The following FREM2 variants were observed in gnomAD, a reference collection of about 807,000 sequenced individuals.
The protein encoded by FREM2 is FRAS1 related extracellular matrix 2.
A neutral mutation model predicts 219.9 loss-of-function variants in FREM2; 119 were observed. That is an observed-to-expected ratio of 0.54 (90% CI 0.47 to 0.63). The LOEUF (loss-of-function observed/expected upper bound fraction) is 0.63, where lower values mean the gene tolerates loss of function less well. Ranked by LOEUF, FREM2 falls within the 30% of genes least tolerant of loss-of-function variation. The pLI, the probability that FREM2 is intolerant of heterozygous loss-of-function variation, is 0.00. For missense variants in FREM2, 4,030 were observed against 3,993.6 expected (o/e 1.01, Z -0.25); for synonymous variants, 1,562 against 1,522.8 (o/e 1.03, Z -0.60).
intron 6 of FREM2, among the ~76,000 whole-genome samples, chr13:38,838,650 TGTTC>T (rs1352319805): frequency 1.3e-5 from 2 of 152,244 alleles, no homozygotes; most frequent in African/African-American, 4.8e-5. Context: ...TTGGAGGCTT[TGTTC>T]GTTCCTTTTC....
At position 38,859,492 on chromosome 13, in the gene FREM2, C is replaced by A. The variant is rs764847493; in HGVS notation, c.7421C>A (p.Pro2474His). The A allele has an allele frequency of 5.6e-6, 9 of 1,614,004 alleles. No homozygotes were observed. The highest frequency in any genetic ancestry group is 1.7e-5 in the Admixed American group (1 of 59,990). Residue 2474 changes from proline (P) to histidine (H), a missense_variant, in exon 14 of 24, where the codon CCT becomes CAT. Physicochemically the swap from Pro to His is moderately conservative, Grantham distance 77. Coordinates refer to ENST00000280481, the MANE Select transcript of FREM2 (RefSeq NM_207361.6). ...ACACTGGACTCCATATACTTTCAGC[C>A]TGGCTCCCGGGTACAGTGCGCAGCT... Reference protein sequence around the residue: ...MVTLDSIYFQPGSRVQCAARA... With the variant: ...MVTLDSIYFQHGSRVQCAARA...
At chr13:38,802,199 C>T (rs1028253371) in intron 6 of FREM2, among the ~76,000 whole-genome samples, 2 of 152,184 alleles carry the variant, frequency 1.3e-5, no homozygotes, top group Non-Finnish European at 2.9e-5. Flanking sequence ...GTGGAGTGCT[C>T]AGGTGTGGGA....
intron 2 of FREM2, among the ~76,000 whole-genome samples, chr13:38,714,608 A>T (rs1340042023): frequency 6.6e-6 from 1 of 152,182 alleles, no homozygotes; most frequent in African/African-American, 2.4e-5. Context: ...TTCTGACCAC[A>T]AAAATAATAA....
rs766571454 is a variant in FREM2, at chr13:38,857,922, T to G, written c.7104T>G (p.Asp2368Glu). The change falls in exon 13 of 24, where the codon GAT (aspartate) becomes GAG (glutamate). Residue 2368 changes from aspartate (D) to glutamate (E), a missense_variant. By Grantham distance (45) the Asp-to-Glu change is conservative (BLOSUM62 2). This residue lies in a region of FREM2 where 928 missense variants were observed against 1,042.9 expected (regional missense o/e 0.89). Transcript: ENST00000280481. ...TAGAAGAAATGAGCAGCATGGCAGA[T>G]GTCACTTTTCCTTCTGTCCCTCAAA... ...VYIEEMSSMA[D>E]VTFPSVPQIV... 3.1e-6 allele frequency: 5 copies of G among 1,613,600 alleles called. No homozygotes were observed. The East Asian group carries it at 1.1e-4, about 36-fold the overall frequency.
chr13:38,766,071 TAAA>T (rs1873421886), intron 3 of FREM2, among the ~76,000 whole-genome samples: 1 of 152,200 alleles, frequency 6.6e-6, no homozygotes, highest in Admixed American at 6.5e-5. Flanking sequence ...TACCGATTAT[TAAA>T]AATAGGTTTA....
At chr13:38,824,335 T>C (rs1159687470) in intron 6 of FREM2, among the ~76,000 whole-genome samples, 1 of 152,096 alleles carries the variant, frequency 6.6e-6, no homozygotes, top group Non-Finnish European at 1.5e-5. Context: ...AAGGTATATG[T>C]TCTTGGGATA....
chr13:38,878,329 C>T lies in FREM2; in HGVS notation c.8859+8C>T, dbSNP rs948978292. ...TATAGATTTAAAATTGTGGTAAGTG[C>T]TTTGACCCAAAAAATGAGCTAGATA... On this transcript the variant is annotated splice_region_variant and intron_variant, in intron 22 of 23. Transcript: ENST00000280481. The T allele has an allele frequency of 2.5e-6, 4 of 1,607,996 alleles. No homozygotes were observed. Among genetic ancestry groups the T allele is most frequent in the Non-Finnish European group, 3.4e-6 (4 of 1,175,194 alleles).
At chr13:38,715,400 C>G (rs17058477) in intron 2 of FREM2, among the ~76,000 whole-genome samples, 14,743 of 152,128 alleles carry the variant, frequency 0.097, 884 homozygotes, top group South Asian at 0.2. Context: ...GACTCTCTCC[C>G]CAGATGTTGG....
chr13:38,874,398 C>G, intron 17 of FREM2, 84 bp from the exon 18 acceptor site: 1 of 1,083,112 alleles, frequency 9.2e-7, no homozygotes, highest in Non-Finnish European at 1.4e-6. Flanking sequence ...ACAAGTCAAA[C>G]CTGAATTAAT....
At chr13:38,825,047 C>T (rs369661876) in intron 6 of FREM2, among the ~76,000 whole-genome samples, 2 of 151,950 alleles carry the variant, frequency 1.3e-5, no homozygotes, top group South Asian at 2.1e-4. Context: ...ATAATTTTTT[C>T]GAAGATGGTT....
In FREM2 at chr13:38,777,048, C is replaced by T. The variant is rs1371879937; in HGVS notation, c.5642-6022C>T. Among the ~76,000 whole-genome samples, 18 of 151,538 alleles carry T rather than the reference C, an allele frequency of 1.2e-4. No individual in the cohort carries two copies. In the South Asian group the frequency reaches 3.5e-3, roughly 30 times the overall value. ...ATTATGATATACATATATTATATTC[C>T]ATATACATACTAATATACTATATAC... is the stretch of plus-strand genomic sequence containing the variant. On this transcript the variant is annotated intron_variant, in intron 4 of 23. Transcript: ENST00000280481.
intron 2 of FREM2, among the ~76,000 whole-genome samples, chr13:38,716,287 G>A (rs1181847874): frequency 2.0e-5 from 3 of 152,188 alleles, no homozygotes; most frequent in East Asian, 3.9e-4. Flanking sequence ...CTACCAGCTC[G>A]TGCAGTGTGC....
In FREM2 at chr13:38,805,339, GA is replaced by G. The variant is rs1011387476; in HGVS notation, c.6019+20539del. Among the ~76,000 whole-genome samples, 156 of 151,602 alleles carry G rather than the reference GA, an allele frequency of 1.0e-3. 1 individual carries two copies. Among genetic ancestry groups the G allele is most frequent in the African/African-American group, 3.0e-3 (124 of 41,436 alleles). ...AGAGGGAGGAAGGAGGAGAGGGATT[GA>G]AAAAAAATCTACGTTCAAAAAAGAT... On this transcript the variant is annotated intron_variant, in intron 6 of 23. Transcript: ENST00000280481.
chr13:38,767,389 T>C (rs74746642), intron 3 of FREM2, among the ~76,000 whole-genome samples: 1,858 of 152,342 alleles, frequency 0.012, 41 homozygotes, highest in African/African-American at 0.043. Flanking sequence ...TTGCAACTCA[T>C]TTAATATTAG....
At chr13:38,767,738 G>A (rs969517958) in intron 3 of FREM2, among the ~76,000 whole-genome samples, 1 of 152,132 alleles carries the variant, frequency 6.6e-6, no homozygotes, top group African/African-American at 2.4e-5. Flanking sequence ...AGGAACCAGA[G>A]AGCTGTCAGG....
chr13:38,803,332 C>T (rs930636227), intron 6 of FREM2, among the ~76,000 whole-genome samples: 67 of 152,156 alleles, frequency 4.4e-4, no homozygotes, highest in African/African-American at 1.6e-3. Flanking sequence ...TCTGTGCTAA[C>T]TCTTAACTGT....
At chr13:38,802,728 A>G (rs1875066585) in intron 6 of FREM2, among the ~76,000 whole-genome samples, 1 of 152,208 alleles carries the variant, frequency 6.6e-6, no homozygotes, top group South Asian at 2.1e-4. Flanking sequence ...CTGAAGGCTC[A>G]GAAGCCTGTG....
chr13:38,856,556 G>A (rs547556827), intron 12 of FREM2, among the ~76,000 whole-genome samples: 28 of 152,118 alleles, frequency 1.8e-4, no homozygotes, highest in Middle Eastern at 3.4e-3. Flanking sequence ...CATTGACCTT[G>A]GGATTAACCA....
chr13:38,840,098 G>A (rs569308066), intron 6 of FREM2, among the ~76,000 whole-genome samples: 2 of 152,270 alleles, frequency 1.3e-5, no homozygotes, highest in South Asian at 4.1e-4. Flanking sequence ...GCACCCGAAG[G>A]AATCTCCTGG....
Sources: gnomAD v4.1 joint callset for allele counts (sites outside exome capture counted in the v4.1 genomes callset) on GRCh38, gnomAD v4.1.1 for gene constraint, gnomAD v4.1.1 regional missense constraint, MANE v1.5 for transcripts, NCBI Gene and HGNC (gene_info 2026-07-23, HGNC 2026-07-21) for gene names.